Variants in SLC35F4 observed in about 807,000 individuals in gnomAD.
SLC35F4 encodes the protein solute carrier family 35 member F4.
A neutral mutation model predicts 44.2 loss-of-function variants in SLC35F4; 24 were observed. The ratio of observed to expected loss-of-function variants is 0.54; its 90% confidence interval spans 0.39 to 0.76. The LOEUF (loss-of-function observed/expected upper bound fraction) is 0.76, where lower values mean the gene tolerates loss of function less well. SLC35F4 is among the 30% of genes least tolerant of loss of function. SLC35F4 has a pLI of 0.00. For synonymous variants in SLC35F4, 238 were observed against 223.6 expected, an observed-to-expected ratio of 1.06 and a Z score of -0.57; for missense variants, 562 against 586.1, an observed-to-expected ratio of 0.96 and a Z score of 0.42.
intron 1 of SLC35F4, among the ~76,000 whole-genome samples, chr14:57,643,561 T>G (rs1214285088): frequency 1.3e-5 from 2 of 152,074 alleles, no homozygotes; most frequent in South Asian, 4.1e-4. Context: ...TAGGTAGCCT[T>G]TCTAATATTC....
At chr14:57,617,127 A>ATTTTTTT (rs1566688809) in intron 1 of SLC35F4, among the ~76,000 whole-genome samples, 24 of 64,070 alleles carry the variant, frequency 3.7e-4, no homozygotes, top group South Asian at 5.1e-4. Flanking sequence ...AACTGTACTT[A>ATTTTTTT]TTCTTTTTTT....
chr14:57,694,985 A>G (rs1319462946), intron 1 of SLC35F4, among the ~76,000 whole-genome samples: 1 of 152,130 alleles, frequency 6.6e-6, no homozygotes, highest in African/African-American at 2.4e-5. Context: ...GATTATTTAT[A>G]CATCCCTTCT....
chr14:57,781,250 C>T (rs1279783009), intron 1 of SLC35F4, among the ~76,000 whole-genome samples: 1 of 151,772 alleles, frequency 6.6e-6, no homozygotes, highest in East Asian at 1.9e-4. Flanking sequence ...AAAAAGTGGG[C>T]AAAAAAACAT....
chr14:57,774,217 C>G (rs1029313735), intron 1 of SLC35F4, among the ~76,000 whole-genome samples: 3 of 152,070 alleles, frequency 2.0e-5, no homozygotes, highest in South Asian at 2.1e-4. Context: ...GGGGAGGAAG[C>G]TGGAAACCCT....
intron 1 of SLC35F4, among the ~76,000 whole-genome samples, chr14:57,790,352 G>A (rs562981591): frequency 6.6e-6 from 1 of 152,080 alleles, no homozygotes; most frequent in South Asian, 2.1e-4. Context: ...AACAATAATA[G>A]AGAGACAAAT....
chr14:57,629,937 C>T (rs2072683314), intron 1 of SLC35F4: 2 of 496,266 alleles, frequency 4.0e-6, no homozygotes, highest in Admixed American at 4.0e-5. Flanking sequence ...ACACATCTCT[C>T]TTCTTCAGGA....
At chr14:57,672,624 A>C (rs999858003) in intron 1 of SLC35F4, among the ~76,000 whole-genome samples, 1 of 152,102 alleles carries the variant, frequency 6.6e-6, no homozygotes, top group African/African-American at 2.4e-5. Flanking sequence ...TTCTAGTATT[A>C]TATATATTGC....
At chr14:57,615,739 G>T (rs934510976) in intron 1 of SLC35F4, among the ~76,000 whole-genome samples, 21 of 152,168 alleles carry the variant, frequency 1.4e-4, no homozygotes, top group African/African-American at 4.6e-4. Context: ...TTTACCAAAG[G>T]ATATAGTTTT....
chr14:57,683,494 G>T (rs1233649327), intron 1 of SLC35F4, among the ~76,000 whole-genome samples: 1 of 152,068 alleles, frequency 6.6e-6, no homozygotes, highest in African/African-American at 2.4e-5. Context: ...AATCGTCATT[G>T]CCTGCTTCTA....
At chr14:57,921,209 A>G (rs943990043) in intron 1 of SLC35F4, among the ~76,000 whole-genome samples, 1 of 152,204 alleles carries the variant, frequency 6.6e-6, no homozygotes, top group African/African-American at 2.4e-5. Context: ...AAACCAGACA[A>G]AATCCAGAGT....
intron 1 of SLC35F4, among the ~76,000 whole-genome samples, chr14:57,786,552 A>G (rs2077766515): frequency 6.6e-6 from 1 of 152,182 alleles, no homozygotes; most frequent in Admixed American, 6.5e-5. Flanking sequence ...AGGTGCAGGT[A>G]TCCTGGCTGG....
At chr14:57,760,547 T>G (rs937041742) in intron 1 of SLC35F4, among the ~76,000 whole-genome samples, 5 of 152,232 alleles carry the variant, frequency 3.3e-5, no homozygotes, top group Admixed American at 1.3e-4. Flanking sequence ...CTCTATTGTG[T>G]GCTGGATATT....
intron 1 of SLC35F4, among the ~76,000 whole-genome samples, chr14:57,829,255 C>G (rs775902853): frequency 1.3e-5 from 2 of 152,104 alleles, no homozygotes; most frequent in African/African-American, 2.4e-5. Context: ...AAGAAGATAA[C>G]CAGGCAGCTG....
intron 1 of SLC35F4, among the ~76,000 whole-genome samples, chr14:57,825,402 C>T (rs1595150452): frequency 6.6e-6 from 1 of 152,178 alleles, no homozygotes; most frequent in South Asian, 2.1e-4. Flanking sequence ...AAACAGGATA[C>T]CTTGAGTCTG....
intron 1 of SLC35F4, among the ~76,000 whole-genome samples, chr14:57,750,732 TTTGTTG>T (rs143731317): frequency 6.6e-6 from 1 of 151,832 alleles, no homozygotes; most frequent in African/African-American, 2.4e-5. Flanking sequence ...ATTATTTGGG[TTTGTTG>T]TTGTTGTTGT....
At chr14:57,634,880 G>C (rs1413346977) in intron 1 of SLC35F4, among the ~76,000 whole-genome samples, 1 of 152,066 alleles carries the variant, frequency 6.6e-6, no homozygotes, top group Admixed American at 6.6e-5. Context: ...CAATTTTGGA[G>C]ACAGACCTAA....
At chr14:57,647,620 C>T (rs1182977383) in intron 1 of SLC35F4, among the ~76,000 whole-genome samples, 1 of 152,144 alleles carries the variant, frequency 6.6e-6, no homozygotes, top group African/African-American at 2.4e-5. Flanking sequence ...CTGGCCTTAT[C>T]TGAAAAGCTT....
At chr14:57,884,868 CA>C (rs1888614494) in intron 1 of SLC35F4, among the ~76,000 whole-genome samples, 2 of 152,036 alleles carry the variant, frequency 1.3e-5, no homozygotes, top group African/African-American at 4.8e-5. Flanking sequence ...CAAGTTACAA[CA>C]AAACACAGAA....
intron 1 of SLC35F4, among the ~76,000 whole-genome samples, chr14:57,732,371 G>C (rs1047987560): frequency 6.6e-6 from 1 of 152,082 alleles, no homozygotes; most frequent in East Asian, 1.9e-4. Context: ...GCACAGTAAA[G>C]TTATAATGTG....
Sources: allele counts gnomAD v4.1 joint callset (sites outside exome capture counted in the v4.1 genomes callset), GRCh38; gene constraint gnomAD v4.1.1; transcripts MANE v1.5; gene names NCBI Gene and HGNC (gene_info 2026-07-23, HGNC 2026-07-21).